Variants in TLCD4 observed in about 807,000 individuals in gnomAD.
The protein encoded by TLCD4 is TLC domain containing 4.
A neutral mutation model predicts 24.2 loss-of-function variants in TLCD4; 7 were observed. That is an observed-to-expected ratio of 0.29 (90% CI 0.16 to 0.54). The LOEUF (loss-of-function observed/expected upper bound fraction) is 0.54. Ranked by LOEUF, TLCD4 falls within the 20% of genes least tolerant of loss-of-function variation. The pLI is 0.95. For missense variants in TLCD4, 259 were observed against 313.9 expected (o/e 0.82, Z 1.32); for synonymous variants, 103 against 106.4 (o/e 0.97, Z 0.20).
chr1:95,161,112 G>A (rs752362265), intron 5 of TLCD4, among the ~76,000 whole-genome samples: 3 of 152,120 alleles, frequency 2.0e-5, no homozygotes, highest in Admixed American at 6.5e-5. Flanking sequence ...GGTAGAATTC[G>A]GCTGTGGATC....
chr1:95,136,052 AT>A (rs577868762), intron 1 of TLCD4, among the ~76,000 whole-genome samples: 138 of 138,970 alleles, frequency 9.9e-4, no homozygotes, highest in Middle Eastern at 3.7e-3. Context: ...TTTTTTTTTT[AT>A]TTTTTTTTAA....
chr1:95,132,569 A>G (rs1216148116), intron 1 of TLCD4, among the ~76,000 whole-genome samples: 1 of 152,192 alleles, frequency 6.6e-6, no homozygotes, highest in African/African-American at 2.4e-5. Flanking sequence ...GCTGAGGACC[A>G]AGTGTAGGGG....
chr1:95,106,591 G>C, the TLCD4 span, among the ~76,000 whole-genome samples: 1 of 152,120 alleles, frequency 6.6e-6, no homozygotes, highest in Admixed American at 6.6e-5. Flanking sequence ...TACTCAGGAG[G>C]CTGAGGTGGA....
chr1:95,150,097 T>G, intron 3 of TLCD4, 111 bp from the exon 4 acceptor site: 1 of 1,380,884 alleles, frequency 7.2e-7, no homozygotes, highest in Non-Finnish European at 9.7e-7. Flanking sequence ...CAGCTTACCA[T>G]TTGAGAATCT....
intron 5 of TLCD4, among the ~76,000 whole-genome samples, chr1:95,166,894 A>G (rs1452640152): frequency 6.6e-6 from 1 of 151,868 alleles, no homozygotes; most frequent in Non-Finnish European, 1.5e-5. Context: ...ATGCCTGGCT[A>G]ATTAAAAAAA....
chr1:95,108,280 C>A, the TLCD4 span, among the ~76,000 whole-genome samples: 1 of 152,078 alleles, frequency 6.6e-6, no homozygotes, highest in Non-Finnish European at 1.5e-5. Context: ...ATTTATTAAT[C>A]TTTTATGGCT....
Position 95,158,829 on chromosome 1 carries a change from G to T in TLCD4, c.399+7410G>T, listed in dbSNP as rs540342159. On this transcript the variant is annotated intron_variant, in intron 5 of 6. Coordinates refer to ENST00000370203, the MANE Select transcript of TLCD4 (RefSeq NM_152487.3). ...CAGCTTCATCCATGTCCCTACAGAGGACATGAACTCATTCTTTTTTATGGT... is the reference window on the plus strand; with the variant it reads ...CAGCTTCATCCATGTCCCTACAGAGTACATGAACTCATTCTTTTTTATGGT... Among the ~76,000 whole-genome samples, 12 of 152,164 alleles carry T rather than the reference G, an allele frequency of 7.9e-5. 1 individual carries two copies. The South Asian group carries it at 2.5e-3, about 32-fold the overall frequency.
chr1:95,113,996 G>C (rs985241538), upstream of TLCD4, among the ~76,000 whole-genome samples: 6 of 151,962 alleles, frequency 3.9e-5, no homozygotes, highest in African/African-American at 1.4e-4. Context: ...ATAACCACTG[G>C]TAATATCTTG....
At chr1:95,119,199 T>G (rs1416228265) in intron 1 of TLCD4, among the ~76,000 whole-genome samples, 2 of 152,244 alleles carry the variant, frequency 1.3e-5, no homozygotes, top group African/African-American at 2.4e-5. Context: ...AGGAATGGCA[T>G]GCTCAAGGTG....
chr1:95,184,391 C>T (rs1678760127), intron 6 of TLCD4, among the ~76,000 whole-genome samples: 1 of 151,954 alleles, frequency 6.6e-6, no homozygotes, highest in South Asian at 2.1e-4. Flanking sequence ...CCTCCATCCT[C>T]TTTCCAAATG....
At chr1:95,129,888 G>C (rs1301945878) in intron 1 of TLCD4, among the ~76,000 whole-genome samples, 1 of 152,204 alleles carries the variant, frequency 6.6e-6, no homozygotes, top group Non-Finnish European at 1.5e-5. Flanking sequence ...CTTTTATGCA[G>C]CTGGCTTCCT....
chr1:95,142,845 G>A (rs1263769375), intron 1 of TLCD4, among the ~76,000 whole-genome samples: 1 of 152,060 alleles, frequency 6.6e-6, no homozygotes, highest in African/African-American at 2.4e-5. Context: ...AGCCGCTCGC[G>A]ATGATGAGGC....
the TLCD4 span, among the ~76,000 whole-genome samples, chr1:95,105,670 C>T: frequency 6.6e-6 from 1 of 151,960 alleles, no homozygotes; most frequent in East Asian, 1.9e-4. Flanking sequence ...CCGAGGCGGG[C>T]GGATCACGAG....
rs371246561 is a variant in TLCD4 at position 95,173,903 on chromosome 1, A to G, written c.473+14A>G. ...TGTGAATCAGCGGTATGTTACTGATATCATTGATTATTTTAAAGTCATGCT... is the reference window on the plus strand; with the variant it reads ...TGTGAATCAGCGGTATGTTACTGATGTCATTGATTATTTTAAAGTCATGCT... On this transcript the variant is annotated intron_variant, in intron 6 of 6. Transcript: ENST00000370203. 13 of 1,613,398 alleles carry G rather than the reference A, an allele frequency of 8.1e-6. No individual in the cohort carries two copies. The African/African-American group carries it at 1.6e-4, about 20-fold the overall frequency.
chr1:95,110,625 A>C, the TLCD4 span, among the ~76,000 whole-genome samples: 41 of 152,340 alleles, frequency 2.7e-4, no homozygotes, highest in African/African-American at 9.4e-4. Flanking sequence ...GCGGTGGCTC[A>C]CGCCTGTAAT....
At chr1:95,151,110 T>G (rs1027957365) in intron 4 of TLCD4, among the ~76,000 whole-genome samples, 10 of 152,130 alleles carry the variant, frequency 6.6e-5, no homozygotes, top group African/African-American at 2.4e-4. Flanking sequence ...AACCTGGCCC[T>G]TGTCTTAGAG....
chr1:95,105,623 C>T, the TLCD4 span, among the ~76,000 whole-genome samples: 2 of 152,102 alleles, frequency 1.3e-5, no homozygotes, highest in African/African-American at 2.4e-5. Flanking sequence ...TGGCCGGGCG[C>T]GGTGGCTCAC....
At chr1:95,103,744 G>GT in the TLCD4 span, among the ~76,000 whole-genome samples, 1 of 152,194 alleles carries the variant, frequency 6.6e-6, no homozygotes, top group African/African-American at 2.4e-5. Context: ...ATTGGTTATG[G>GT]TTTTTTATTT....
chr1:95,103,519 A>C, the TLCD4 span, among the ~76,000 whole-genome samples: 2 of 152,224 alleles, frequency 1.3e-5, no homozygotes, highest in Non-Finnish European at 2.9e-5. Context: ...ATGAAGGAAT[A>C]AGAAGGATGT....
Sources: gnomAD v4.1 joint callset for allele counts (sites outside exome capture counted in the v4.1 genomes callset) on GRCh38, gnomAD v4.1.1 for gene constraint, MANE v1.5 for transcripts, NCBI Gene and HGNC (gene_info 2026-07-23, HGNC 2026-07-21) for gene names.